Variants in HS6ST3 observed in about 807,000 individuals in gnomAD.
HS6ST3 encodes heparan sulfate 6-O-sulfotransferase 3.
A neutral mutation model predicts 36.7 loss-of-function variants in HS6ST3; 12 were observed. The observed-to-expected ratio is 0.33, with a 90% CI of 0.21 to 0.53. The LOEUF (loss-of-function observed/expected upper bound fraction) is 0.53, where lower values mean the gene tolerates loss of function less well. Among genes scored for constraint, HS6ST3 ranks in the 20% least tolerant of loss-of-function variants. The pLI is 0.95. For synonymous variants in HS6ST3, 240 were observed against 257.5 expected (o/e 0.93, Z 0.65); for missense variants, 584 against 640.9 (o/e 0.91, Z 0.96).
intron 1 of HS6ST3, among the ~76,000 whole-genome samples, chr13:96,818,605 G>T (rs1018726946): frequency 9.9e-5 from 15 of 152,228 alleles, no homozygotes; most frequent in African/African-American, 3.4e-4. Context: ...GAAAGTTAAA[G>T]ATGGTATCTG....
At chr13:96,503,109 T>TG (rs960027411) in intron 1 of HS6ST3, among the ~76,000 whole-genome samples, 2 of 152,192 alleles carry the variant, frequency 1.3e-5, no homozygotes, top group African/African-American at 4.8e-5. Flanking sequence ...TGGTTTTTTT[T>TG]TGTGTGTTAA....
At chr13:96,721,218 T>A (rs1205106047) in intron 1 of HS6ST3, among the ~76,000 whole-genome samples, 1 of 152,182 alleles carries the variant, frequency 6.6e-6, no homozygotes, top group Non-Finnish European at 1.5e-5. Context: ...CTTAGATATA[T>A]AATTTTAGAA....
intron 1 of HS6ST3, among the ~76,000 whole-genome samples, chr13:96,569,967 C>T (rs2056295219): frequency 6.6e-6 from 1 of 152,172 alleles, no homozygotes; most frequent in African/African-American, 2.4e-5. Flanking sequence ...TCAATGCCTG[C>T]TCACCTAAAA....
intron 1 of HS6ST3, among the ~76,000 whole-genome samples, chr13:96,139,541 G>GCAAAAAAAAAAAAAAA (rs371698480): frequency 1.2e-4 from 8 of 66,262 alleles, no homozygotes; most frequent in African/African-American, 4.9e-4. Flanking sequence ...GTAAGATTCA[G>GCAAAAAAAAAAAAAAA]AAAAAAAAAA....
intron 1 of HS6ST3, among the ~76,000 whole-genome samples, chr13:96,699,542 A>G (rs1875228431): frequency 6.6e-6 from 1 of 152,224 alleles, no homozygotes; most frequent in African/African-American, 2.4e-5. Context: ...CAAAACCACA[A>G]TGAGATACCA....
chr13:96,261,116 A>G (rs1328120325), intron 1 of HS6ST3, among the ~76,000 whole-genome samples: 1 of 152,132 alleles, frequency 6.6e-6, no homozygotes, highest in Non-Finnish European at 1.5e-5. Context: ...ATTATTTTAA[A>G]AAATGTCTTT....
At chr13:96,377,785 C>T (rs2055322136) in intron 1 of HS6ST3, among the ~76,000 whole-genome samples, 1 of 151,972 alleles carries the variant, frequency 6.6e-6, no homozygotes, top group Non-Finnish European at 1.5e-5. Flanking sequence ...AAATGTGACA[C>T]CATGGAAGAA....
intron 1 of HS6ST3, among the ~76,000 whole-genome samples, chr13:96,093,197 A>G (rs1261943086): frequency 6.6e-6 from 1 of 152,152 alleles, no homozygotes; most frequent in Non-Finnish European, 1.5e-5. Flanking sequence ...TCACATAGAA[A>G]TGTCTGATTA....
chr13:96,773,538 C>T (rs950887523), intron 1 of HS6ST3, among the ~76,000 whole-genome samples: 35 of 152,214 alleles, frequency 2.3e-4, no homozygotes, highest in African/African-American at 7.7e-4. Context: ...ATTTTCCCCT[C>T]ACAGTGTAAA....
At chr13:96,357,849 TGTG>T (rs1238347370) in intron 1 of HS6ST3, among the ~76,000 whole-genome samples, 1 of 152,162 alleles carries the variant, frequency 6.6e-6, no homozygotes, top group Admixed American at 6.5e-5. Flanking sequence ...TGGGCTTGGT[TGTG>T]GTGAGCCAAA....
At chr13:96,706,416 TATA>T (rs1566434588) in intron 1 of HS6ST3, among the ~76,000 whole-genome samples, 3 of 92,026 alleles carry the variant, frequency 3.3e-5, no homozygotes, top group African/African-American at 9.3e-5. Context: ...ATATATTTTA[TATA>T]TATATATATA....
chr13:96,385,661 T>G (rs971618419), intron 1 of HS6ST3, among the ~76,000 whole-genome samples: 2 of 152,196 alleles, frequency 1.3e-5, no homozygotes, highest in Non-Finnish European at 2.9e-5. Flanking sequence ...TCTTAAGCAT[T>G]CTTAATATGT....
intron 1 of HS6ST3, among the ~76,000 whole-genome samples, chr13:96,661,228 G>A (rs2139019307): frequency 1.3e-5 from 2 of 152,178 alleles, no homozygotes; most frequent in East Asian, 3.9e-4. Flanking sequence ...TAATACTGTT[G>A]GCGGTGTGTT....
intron 1 of HS6ST3, among the ~76,000 whole-genome samples, chr13:96,229,671 T>C (rs1240751827): frequency 2.0e-5 from 3 of 152,208 alleles, no homozygotes; most frequent in African/African-American, 7.2e-5. Context: ...CTTCAACATA[T>C]AAGTTTGGGG....
At chr13:96,166,012 G>T (rs941239957) in intron 1 of HS6ST3, among the ~76,000 whole-genome samples, 2 of 149,690 alleles carry the variant, frequency 1.3e-5, no homozygotes, top group East Asian at 2.0e-4. Flanking sequence ...GGATGGAAGG[G>T]TGGAAGGGGT....
chr13:96,314,673 A>G (rs1181143341), intron 1 of HS6ST3, among the ~76,000 whole-genome samples: 1 of 152,224 alleles, frequency 6.6e-6, no homozygotes, highest in Non-Finnish European at 1.5e-5. Context: ...GTGGAATGAA[A>G]GAATCTCAGA....
At chr13:96,120,610 T>C (rs1183127279) in intron 1 of HS6ST3, among the ~76,000 whole-genome samples, 7 of 152,240 alleles carry the variant, frequency 4.6e-5, no homozygotes. Flanking sequence ...TTTTCCTGAA[T>C]TATTCAAATT....
chr13:96,284,798 T>G (rs989444369), intron 1 of HS6ST3, among the ~76,000 whole-genome samples: 1 of 152,122 alleles, frequency 6.6e-6, no homozygotes, highest in Non-Finnish European at 1.5e-5. Flanking sequence ...TTTTCTCTCC[T>G]TCTTTCTTCT....
At chr13:96,722,517 T>C (rs1875875814) in intron 1 of HS6ST3, among the ~76,000 whole-genome samples, 1 of 152,202 alleles carries the variant, frequency 6.6e-6, no homozygotes, top group Non-Finnish European at 1.5e-5. Flanking sequence ...TTTTCTATTT[T>C]CAACTGTAGA....
Sources: allele counts gnomAD v4.1 joint callset (sites outside exome capture counted in the v4.1 genomes callset), GRCh38; gene constraint gnomAD v4.1.1; transcripts MANE v1.5; gene names NCBI Gene and HGNC (gene_info 2026-07-23, HGNC 2026-07-21).